TMEM33: variants seen among roughly 807,000 people sequenced by gnomAD.
TMEM33 encodes the protein transmembrane protein 33.
In TMEM33, 16 loss-of-function variants were observed where a neutral mutation model predicts 29.7. That is an observed-to-expected ratio of 0.54 (90% confidence interval 0.36 to 0.82). The LOEUF (loss-of-function observed/expected upper bound fraction) is 0.82, where lower values mean the gene tolerates loss of function less well. TMEM33 is among the 40% of genes least tolerant of loss of function. TMEM33 has a pLI of 0.00. For synonymous variants in TMEM33, 112 were observed against 109.4 expected (o/e 1.02, Z -0.15); for missense variants, 252 against 295.3 (o/e 0.85, Z 1.08).
In TMEM33 at chr4:41,959,113, A is replaced by G. The variant is rs1021781139; in HGVS notation, c.*4914A>G. On this transcript the variant is annotated 3_prime_UTR_variant, in exon 7 of 7. Transcript: ENST00000504986. ...ATTATAGCTCAACATTTAGTATACC[A>G]AAGGCATACCCGTGTAAATCTAGGA... is the stretch of plus-strand genomic sequence containing the variant. 1 of 152,200 alleles carries G rather than the reference A, an allele frequency of 6.6e-6. No individual in the cohort carries two copies. The highest frequency in any genetic ancestry group is 2.4e-5 in the African/African-American group (1 of 41,458). The allele number at this position is 152,200 out of a possible 1,614,324, so 9.4% of individuals were successfully genotyped here.
intron 6 of TMEM33, among the ~76,000 whole-genome samples, chr4:41,953,587 T>A (rs1039775758): frequency 2.0e-5 from 3 of 152,248 alleles, no homozygotes; most frequent in African/African-American, 7.2e-5. Flanking sequence ...AGTTTTCATC[T>A]AAAGTAACAG....
At chr4:41,952,543 T>A (rs1206152389) in intron 6 of TMEM33, among the ~76,000 whole-genome samples, 1 of 152,216 alleles carries the variant, frequency 6.6e-6, no homozygotes, top group Non-Finnish European at 1.5e-5. Flanking sequence ...CAGTATGTAA[T>A]AATACTTTGT....
chr4:41,935,321 C>T, upstream of TMEM33: 1 of 768,768 alleles, frequency 1.3e-6, no homozygotes. Context: ...GCGAGCGAGA[C>T]CCTTCCCTGG....
intron 1 of TMEM33, among the ~76,000 whole-genome samples, chr4:41,937,778 C>A (rs74897415): frequency 0.029 from 4,365 of 152,024 alleles, 105 homozygotes; most frequent in African/African-American, 0.056. Flanking sequence ...TGAGAAAACA[C>A]ATTTTAAGAT....
intron 5 of TMEM33, among the ~76,000 whole-genome samples, chr4:41,946,194 C>T (rs904888930): frequency 2.7e-5 from 4 of 150,406 alleles, no homozygotes; most frequent in African/African-American, 7.3e-5. Context: ...CCTGCTTATA[C>T]TTAATGCCAG....
intron 5 of TMEM33, among the ~76,000 whole-genome samples, chr4:41,946,958 C>T (rs979852148): frequency 2.6e-4 from 39 of 152,068 alleles, no homozygotes; most frequent in African/African-American, 8.0e-4. Context: ...GATACCAGGC[C>T]GAGCACGGTG....
intron 1 of TMEM33, among the ~76,000 whole-genome samples, chr4:41,937,473 T>A (rs531437224): frequency 6.6e-6 from 1 of 152,250 alleles, no homozygotes; most frequent in African/African-American, 2.4e-5. Context: ...TGTACTTGGA[T>A]TTTTCCCTCA....
At chr4:41,951,062 C>T (rs564219564) in intron 6 of TMEM33, among the ~76,000 whole-genome samples, 4,787 of 86,380 alleles carry the variant, frequency 0.055, 106 homozygotes, top group Non-Finnish European at 0.11. Flanking sequence ...TTCAGTACTA[C>T]ACTTTTTTTA....
rs540373994 is a variant in TMEM33 at position 41,958,534 on chromosome 4, T to C, written c.*4335T>C. ...AAAAATGGTACTTAAAGTGTTTTCA[T>C]GATCATTTTGTAGGTAGACTAGATA... On this transcript the variant is annotated 3_prime_UTR_variant, in exon 7 of 7. Transcript: ENST00000504986. The C allele has an allele frequency of 6.6e-6, 1 of 151,688 alleles. No individual in the cohort carries two copies. The highest frequency in any genetic ancestry group is 1.5e-5 in the Non-Finnish European group (1 of 68,004). 9.4% of individuals were successfully genotyped at this position (151,688 alleles called of 1,614,324 possible).
rs762030016 is a variant in TMEM33 at position 41,938,645 on chromosome 4, C to A, written c.89C>A (p.Ser30Tyr). 1.2e-6 allele frequency: 2 copies of A among 1,614,078 alleles called. No individual in the cohort carries two copies. The highest frequency in any genetic ancestry group is 8.5e-7 in the Non-Finnish European group (1 of 1,180,010). Residue 30 changes from serine to tyrosine, a missense_variant, in exon 2 of 7, where the codon TCT (serine) becomes TAT (tyrosine). Physicochemically the swap from Ser to Tyr is moderately radical, Grantham distance 144. Transcript: ENST00000504986. ...TNKLDTAMWLSRLFTVYCSAL... is the reference protein window; with the variant it reads ...TNKLDTAMWLYRLFTVYCSAL... ...AAACTGGACACGGCAATGTGGCTTT[C>A]TCGCTTGTTCACAGTTTACTGCTCT...
rs762064925 is a variant in TMEM33, at chr4:41,949,349, C to T, written c.578C>T (p.Thr193Ile). The T allele has an allele frequency of 3.0e-5, 48 of 1,610,800 alleles. No homozygotes were observed. In the South Asian group the frequency reaches 5.1e-4, roughly 17 times the overall value. The stretch of plus-strand genomic sequence containing the variant: ...CCTTTTATATACTATAGATTTCTTA[C>T]CCTTCGATATTCGTCTCGAAGAAAC... ...LQPFIYYRFL[T>I]LRYSSRRNPY... The change falls in exon 6 of 7, where the codon ACC (threonine) becomes ATC (isoleucine). Residue 193 changes from threonine to isoleucine, a missense_variant. Coordinates refer to ENST00000504986, the MANE Select transcript of TMEM33 (RefSeq NM_018126.3).
intron 5 of TMEM33, among the ~76,000 whole-genome samples, chr4:41,946,247 A>G (rs1354125304): frequency 2.6e-5 from 4 of 152,168 alleles, no homozygotes; most frequent in Middle Eastern, 6.8e-3. Context: ...TTGCTAGTAC[A>G]AGCTAGGTGC....
intron 6 of TMEM33, among the ~76,000 whole-genome samples, chr4:41,951,862 T>A (rs531163959): frequency 6.6e-6 from 1 of 152,312 alleles, no homozygotes; most frequent in African/African-American, 2.4e-5. Flanking sequence ...TAAATATCTG[T>A]GTCCACAAAG....
Position 41,944,938 on chromosome 4 carries a change from T to C in TMEM33, c.530+12T>C. ...TTTATGCTTTTTAGGTAAGGAAAAA[T>C]TATATTTGTTTTGGGAGGCTGATGA... On this transcript the variant is annotated intron_variant, in intron 5 of 6. Transcript: ENST00000504986. 6.2e-7 allele frequency: 1 copy of C among 1,607,126 alleles called. No individual in the cohort carries two copies. The highest frequency in any genetic ancestry group is 1.3e-5 in the African/African-American group (1 of 74,414).
chr4:41,943,399 C>T (rs573277989), intron 3 of TMEM33, among the ~76,000 whole-genome samples: 1 of 152,000 alleles, frequency 6.6e-6, no homozygotes, highest in African/African-American at 2.4e-5. Flanking sequence ...GTGGCAGGCG[C>T]CTATAATCCC....
intron 5 of TMEM33, among the ~76,000 whole-genome samples, chr4:41,948,933 T>C (rs1712914689): frequency 6.6e-6 from 1 of 152,048 alleles, no homozygotes; most frequent in East Asian, 1.9e-4. Context: ...TTTGTTTCTT[T>C]TTATATATAT....
At position 41,943,754 on chromosome 4, in the gene TMEM33, C is replaced by T. The variant is rs771110292; in HGVS notation, c.336C>T (p.Ile112=). The T allele has an allele frequency of 1.1e-5, 17 of 1,613,644 alleles. No homozygotes were observed. The highest frequency in any genetic ancestry group is 1.7e-4 in the Middle Eastern group (1 of 6,056). ...FVNSYPVTMS[I]FPVLLFSLLH... is the part of the protein sequence containing the mutation. Reference sequence around the variant, plus strand: ...CTTAATTGTTTTCTTTAGTGAGTATCTTCCCAGTCTTGTTATTCTCTTTGC... The same window carrying T: ...CTTAATTGTTTTCTTTAGTGAGTATTTTCCCAGTCTTGTTATTCTCTTTGC... The change falls in exon 4 of 7, where the codon ATC becomes ATT. Residue 112 remains isoleucine, a synonymous_variant. Transcript: ENST00000504986.
At chr4:41,943,908 C>T in intron 4 of TMEM33, 94 bp downstream of exon 4, 1 of 1,076,640 alleles carries the variant, frequency 9.3e-7, no homozygotes, top group Non-Finnish European at 1.4e-6. Flanking sequence ...ACAAAAAGTC[C>T]CTCTATACCT....
At chr4:41,950,019 A>G (rs537062740) in intron 6 of TMEM33, among the ~76,000 whole-genome samples, 1 of 152,304 alleles carries the variant, frequency 6.6e-6, no homozygotes, top group South Asian at 2.1e-4. Context: ...TATTGGAGCT[A>G]TATTATAAAA....
Sources: gnomAD v4.1 joint callset for allele counts (sites outside exome capture counted in the v4.1 genomes callset) on GRCh38, gnomAD v4.1.1 for gene constraint, MANE v1.5 for transcripts, NCBI Gene and HGNC (gene_info 2026-07-23, HGNC 2026-07-21) for gene names.